TIAM2: variants seen among roughly 807,000 people sequenced by gnomAD.
The protein encoded by TIAM2 is TIAM Rac1 associated GEF 2.
In TIAM2, 80 loss-of-function variants were observed where a neutral mutation model predicts 152.9. The observed-to-expected ratio is 0.52, with a 90% CI of 0.44 to 0.63. TIAM2 has a LOEUF of 0.63. TIAM2 is among the 30% of genes least tolerant of loss of function. The pLI, the probability that TIAM2 is intolerant of heterozygous loss-of-function variation, is 0.00. For missense variants in TIAM2, 1,965 were observed against 2,120.1 expected, an observed-to-expected ratio of 0.93 and a Z score of 1.44; for synonymous variants, 804 against 838.0, an observed-to-expected ratio of 0.96 and a Z score of 0.70.
intron 14 of TIAM2, 91 bp from the exon 15 acceptor site, chr6:155,211,113 C>T (rs1781706893): frequency 8.5e-7 from 1 of 1,174,974 alleles, no homozygotes; most frequent in Non-Finnish European, 1.2e-6. Context: ...TTGTTTTCTT[C>T]TTTCCTTTCT....
chr6:155,045,838 C>CTTTTTTTTTTTTTTTTTTTTTTTTT (rs1238583120), intron 1 of TIAM2, among the ~76,000 whole-genome samples: 1 of 45,138 alleles, frequency 2.2e-5, no homozygotes, highest in Non-Finnish European at 4.5e-5. Flanking sequence ...ACATAGTGCC[C>CTTTTTTTTTTTTTTTTTTTTTTTTT]TCTTTTTTTT....
At chr6:155,188,702 G>T (rs1781114199) in intron 14 of TIAM2, among the ~76,000 whole-genome samples, 1 of 152,148 alleles carries the variant, frequency 6.6e-6, no homozygotes, top group Non-Finnish European at 1.5e-5. Context: ...CTTTTCTAGT[G>T]TTTGCCATCT....
At chr6:155,122,796 A>C (rs1210593867) in intron 2 of TIAM2, among the ~76,000 whole-genome samples, 1 of 151,470 alleles carries the variant, frequency 6.6e-6, no homozygotes, top group African/African-American at 2.4e-5. Context: ...GCTGCGGGTG[A>C]CTGTACGTAT....
intron 13 of TIAM2, 91 bp downstream of exon 13, chr6:155,182,409 C>T (rs1780924912): frequency 2.6e-6 from 3 of 1,161,416 alleles, no homozygotes; most frequent in Non-Finnish European, 3.8e-6. Context: ...ACAGTTTTGT[C>T]AGAAAAAGGT....
intron 15 of TIAM2, among the ~76,000 whole-genome samples, chr6:155,217,531 T>C (rs1045254212): frequency 6.6e-6 from 1 of 152,270 alleles, no homozygotes; most frequent in Non-Finnish European, 1.5e-5. Flanking sequence ...TTAATACTTA[T>C]ATTGGGTTTA....
intron 2 of TIAM2, among the ~76,000 whole-genome samples, chr6:155,105,398 G>C (rs57215291): frequency 3.9e-5 from 6 of 152,114 alleles, no homozygotes; most frequent in African/African-American, 1.4e-4. Flanking sequence ...TGATCTGCCC[G>C]CATTGGCCTC....
intron 1 of TIAM2, among the ~76,000 whole-genome samples, chr6:155,065,100 C>T (rs1392779620): frequency 2.6e-5 from 4 of 152,058 alleles, no homozygotes; most frequent in Non-Finnish European, 5.9e-5. Flanking sequence ...ACTACAGGCA[C>T]CCGACACCAC....
intron 1 of TIAM2, among the ~76,000 whole-genome samples, chr6:155,084,892 G>C (rs1226610732): frequency 6.6e-6 from 1 of 152,126 alleles, no homozygotes; most frequent in African/African-American, 2.4e-5. Context: ...GGTGAAAATT[G>C]TTATTTAAGG....
rs991063052 is a variant in TIAM2 at position 154,995,495 on chromosome 6, A to G, written c.-209+3A>G. 1.4e-5 allele frequency: 2 copies of G among 147,676 alleles called. No individual in the cohort carries two copies. Among genetic ancestry groups the G allele is most frequent in the Non-Finnish European group, 3.0e-5 (2 of 66,832 alleles). 9.1% of individuals were successfully genotyped at this position (147,676 alleles called of 1,614,324 possible). On this transcript the variant is annotated splice_donor_region_variant and intron_variant, in intron 1 of 26. Coordinates refer to ENST00000682666, the MANE Select transcript of TIAM2 (RefSeq NM_012454.4). The surrounding 1 kb of genome is among the most constrained non-coding windows in gnomAD (Gnocchi z 5.2). ...CCGAGCCCGGCGCGCGACCCGAGGTAAGGGGCGCCCGGGTGAGGGCGCAGG... is the reference window on the plus strand; with the variant it reads ...CCGAGCCCGGCGCGCGACCCGAGGTGAGGGGCGCCCGGGTGAGGGCGCAGG...
At chr6:155,251,428 A>C (rs1783647171) in intron 22 of TIAM2, among the ~76,000 whole-genome samples, 1 of 152,146 alleles carries the variant, frequency 6.6e-6, no homozygotes, top group Non-Finnish European at 1.5e-5. Context: ...CTGGGATTAC[A>C]GGTGCTCGCC....
intron 14 of TIAM2, among the ~76,000 whole-genome samples, chr6:155,206,082 A>G (rs889293896): frequency 6.6e-6 from 1 of 152,216 alleles, no homozygotes; most frequent in Non-Finnish European, 1.5e-5. Flanking sequence ...CTAATGGGCC[A>G]GGTACTGACG....
rs1429627600 is a variant in TIAM2 at position 155,106,374 on chromosome 6, C to T, written c.-118+15995C>T. ...TAGCAAGACCCCAAAACACTCTGAA[C>T]CTCTGCTGTATATAACTTTTATTTA... On this transcript the variant is annotated intron_variant, in intron 2 of 26. Transcript: ENST00000682666. Among the ~76,000 whole-genome samples, 3 of 152,208 alleles carry T rather than the reference C, an allele frequency of 2.0e-5. No homozygotes were observed. The East Asian group carries it at 5.8e-4, about 29-fold the overall frequency.
At chr6:155,008,245 C>A (rs2114844591) in intron 1 of TIAM2, among the ~76,000 whole-genome samples, 1 of 152,290 alleles carries the variant, frequency 6.6e-6, no homozygotes, top group East Asian at 1.9e-4. Context: ...GTTGTAATTT[C>A]TCATTTGGCA....
chr6:155,241,626 T>C (rs977591905), intron 16 of TIAM2, among the ~76,000 whole-genome samples: 7 of 152,210 alleles, frequency 4.6e-5, no homozygotes, highest in African/African-American at 1.7e-4. Context: ...TTGATGTCGC[T>C]GTTTTACCAG....
rs1254195389 is a variant in TIAM2 at position 155,104,055 on chromosome 6, C to G, written c.-118+13676C>G. On this transcript the variant is annotated intron_variant, in intron 2 of 26. Transcript: ENST00000682666. ...ACACACACACACCCCCCCCCCCACA[C>G]CCCCACACACCCCCACACACCAAAT... Among the ~76,000 whole-genome samples, 12 of 55,502 alleles carry G rather than the reference C, an allele frequency of 2.2e-4. 2 individuals carry two copies. The highest frequency in any genetic ancestry group is 4.2e-4 in the Non-Finnish European group (10 of 23,990). 36.4% of individuals were successfully genotyped at this position (55,502 alleles called of 152,430 possible).
At chr6:155,155,517 C>T (rs1390054190) in intron 7 of TIAM2, among the ~76,000 whole-genome samples, 1 of 152,204 alleles carries the variant, frequency 6.6e-6, no homozygotes, top group East Asian at 1.9e-4. Context: ...CTCTGTCGCC[C>T]AGGCTGGAAT....
In TIAM2 at chr6:155,105,983, ATTTATTTTAT is replaced by A. The variant is rs148796945; in HGVS notation, c.-118+15633_-118+15642del. On this transcript the variant is annotated intron_variant, in intron 2 of 26. Transcript: ENST00000682666. ...GCTGCTTTATCTTTTGGGTATTTTT[ATTTATTTTAT>A]TTTATTTTATTTTATTTTATTTTAT... Among the ~76,000 whole-genome samples the A allele has an allele frequency of 7.2e-3, 1,016 of 140,594 alleles. 10 individuals carry two copies. Among genetic ancestry groups the A allele is most frequent in the Middle Eastern group, 0.014 (4 of 278 alleles). 92.2% of individuals were successfully genotyped at this position (140,594 alleles called of 152,430 possible).
intron 1 of TIAM2, among the ~76,000 whole-genome samples, chr6:155,015,438 G>A (rs1778556755): frequency 6.6e-6 from 1 of 152,108 alleles, no homozygotes; most frequent in African/African-American, 2.4e-5. Flanking sequence ...ATCTCTTAGA[G>A]GGGATGACTG....
At position 155,184,246 on chromosome 6, in the gene TIAM2, C is replaced by G. The variant is rs1292317272; in HGVS notation, c.3064+746C>G. Among the ~76,000 whole-genome samples the G allele has an allele frequency of 2.0e-5, 3 of 152,298 alleles. No homozygotes were observed. The East Asian group carries it at 5.8e-4, about 29-fold the overall frequency. On this transcript the variant is annotated intron_variant, in intron 14 of 26. Transcript: ENST00000682666. Reference sequence around the variant, plus strand: ...TCAGGTGATCTACCCGCCTCGGTCTCCCAGAGTGCTGGGATTACAGGCATG... The same window carrying G: ...TCAGGTGATCTACCCGCCTCGGTCTGCCAGAGTGCTGGGATTACAGGCATG...
Sources: allele counts gnomAD v4.1 joint callset (sites outside exome capture counted in the v4.1 genomes callset), GRCh38; gene constraint gnomAD v4.1.1; non-coding constraint Gnocchi (gnomAD v3.1); transcripts MANE v1.5; gene names NCBI Gene and HGNC (gene_info 2026-07-23, HGNC 2026-07-21).